Variants in IL10RB observed in about 807,000 individuals in gnomAD.
IL10RB encodes the protein interleukin 10 receptor subunit beta.
Under a neutral mutation model 38.7 loss-of-function variants are expected in IL10RB, and 30 were observed. That is an observed-to-expected ratio of 0.78 (90% confidence interval 0.58 to 1.05). The LOEUF is 1.05. Among genes scored for constraint, IL10RB ranks in the 50% least tolerant of loss-of-function variants. The probability of loss-of-function intolerance (pLI) is 0.00; values close to 1 mark genes in which losing one functional copy is unlikely to be tolerated. For missense variants in IL10RB, 328 were observed against 397.1 expected, an observed-to-expected ratio of 0.83 and a Z score of 1.48; for synonymous variants, 142 against 145.9, an observed-to-expected ratio of 0.97 and a Z score of 0.19.
Position 33,296,590 on chromosome 21 carries a change from G to A in IL10RB, c.*233G>A, listed in dbSNP as rs2123606778. ...TATAAAGGCTTTCATGATGTTTTCAGAAGTTGGCCACTGAGAGTGTAATTT... is the reference window on the plus strand; with the variant it reads ...TATAAAGGCTTTCATGATGTTTTCAAAAGTTGGCCACTGAGAGTGTAATTT... On this transcript the variant is annotated 3_prime_UTR_variant, in exon 7 of 7. Transcript: ENST00000290200. The A allele has an allele frequency of 1.5e-6, 1 of 663,054 alleles. No homozygotes were observed. Among genetic ancestry groups the A allele is most frequent in the South Asian group, 1.5e-5 (1 of 66,368 alleles). The allele number at this position is 663,054 out of a possible 1,614,324, so 41.1% of individuals were successfully genotyped here.
chr21:33,280,362 G>T (rs1792338543), intron 4 of IL10RB, among the ~76,000 whole-genome samples: 1 of 152,190 alleles, frequency 6.6e-6, no homozygotes, highest in African/African-American at 2.4e-5. Flanking sequence ...GGAGTCAAAA[G>T]ATCTGATCGG....
At chr21:33,283,307 G>A in intron 5 of IL10RB, 66 bp downstream of exon 5, 1 of 1,482,482 alleles carries the variant, frequency 6.7e-7, no homozygotes, top group Non-Finnish European at 9.4e-7. Context: ...CCCTAGACAT[G>A]ATTGCATCCA....
chr21:33,304,607 C>T (rs898333965), intron 1 of IL10RB, among the ~76,000 whole-genome samples: 4 of 152,242 alleles, frequency 2.6e-5, no homozygotes, highest in Non-Finnish European at 5.9e-5. Flanking sequence ...CCCTGAAAGG[C>T]CCCCTACCTT....
chr21:33,288,375 G>GCACACACA, intron 6 of IL10RB, 114 bp downstream of exon 6: 1 of 673,262 alleles, frequency 1.5e-6, no homozygotes, highest in East Asian at 2.7e-5. Flanking sequence ...ACACACACGC[G>GCACACACA]CGCGCGCACA....
rs1058859 is a variant in IL10RB at position 33,279,791 on chromosome 21, C to T, written c.371C>T (p.Ala124Val). ...GPPGMQVEVLADSLHMRFLAP... is the reference protein window; with the variant it reads ...GPPGMQVEVLVDSLHMRFLAP... Reference sequence around the variant, plus strand: ...CCTGGAATGCAAGTAGAAGTACTTGCTGATTCTTTACATATGCGTTTCTTA... The same window carrying T: ...CCTGGAATGCAAGTAGAAGTACTTGTTGATTCTTTACATATGCGTTTCTTA... The change falls in exon 4 of 7, where the codon GCT becomes GTT. Residue 124 changes from alanine (A) to valine (V), a missense_variant. Physicochemically the swap from Ala to Val is moderately conservative, Grantham distance 64. Transcript: ENST00000290200. 6.2e-7 allele frequency: 1 copy of T among 1,613,824 alleles called. No homozygotes were observed. Among genetic ancestry groups the T allele is most frequent in the East Asian group, 2.2e-5 (1 of 44,880 alleles).
intron 3 of IL10RB, among the ~76,000 whole-genome samples, chr21:33,278,623 G>C (rs1601830993): frequency 1.3e-5 from 2 of 152,282 alleles, no homozygotes; most frequent in South Asian, 2.1e-4. Flanking sequence ...AAGTCATACA[G>C]GTCATGAGTG....
chr21:33,309,483 A>C (rs1010460374), exon 2 of IL10RB: 2 of 152,210 alleles, frequency 1.3e-5, no homozygotes, highest in African/African-American at 4.8e-5. Flanking sequence ...AGAACCTGCT[A>C]TTGTGGGTTC....
chr21:33,291,098 C>T (rs922333685), intron 6 of IL10RB, among the ~76,000 whole-genome samples: 4 of 152,096 alleles, frequency 2.6e-5, no homozygotes, highest in Admixed American at 1.3e-4. Flanking sequence ...AGCCTTCTCC[C>T]TATGTGAGTG....
At chr21:33,268,627 T>C in intron 2 of IL10RB, 110 bp downstream of exon 2, 2 of 826,206 alleles carry the variant, frequency 2.4e-6, no homozygotes, top group Non-Finnish European at 4.3e-6. Context: ...ACCGTGTGAC[T>C]GTGACAACCC....
At chr21:33,290,973 G>A (rs775639726) in intron 6 of IL10RB, among the ~76,000 whole-genome samples, 46 of 152,196 alleles carry the variant, frequency 3.0e-4, no homozygotes, top group South Asian at 1.7e-3. Context: ...TTTCCTTGGA[G>A]GCTGTGAGGG....
At chr21:33,268,241 C>A in intron 1 of IL10RB, 153 bp from the exon 2 acceptor site, 1 of 1,542,198 alleles carries the variant, frequency 6.5e-7, no homozygotes, top group Non-Finnish European at 8.7e-7. Context: ...AATCTAGACT[C>A]CTCAGCACAG....
At chr21:33,270,538 G>A (rs1255068831) in intron 2 of IL10RB, among the ~76,000 whole-genome samples, 2 of 151,610 alleles carry the variant, frequency 1.3e-5, no homozygotes, top group Non-Finnish European at 1.5e-5. Flanking sequence ...CCGCCACCAC[G>A]CCCGGCTAAT....
downstream of IL10RB, among the ~76,000 whole-genome samples, chr21:33,298,459 C>A (rs938467638): frequency 6.6e-6 from 1 of 151,884 alleles, no homozygotes; most frequent in Non-Finnish European, 1.5e-5. Context: ...ACTAAACATA[C>A]AAAAATTAGC....
intron 5 of IL10RB, 45 bp from the exon 6 acceptor site, chr21:33,288,059 A>T: frequency 6.3e-7 from 1 of 1,593,372 alleles, no homozygotes; most frequent in Non-Finnish European, 8.6e-7. Flanking sequence ...GATCACTGTG[A>T]CCCGACCTGT....
rs368303574 is a variant in IL10RB at position 33,290,556 on chromosome 21, G to A, written c.804+2295G>A. On this transcript the variant is annotated intron_variant, in intron 6 of 6. Transcript: ENST00000290200. The stretch of plus-strand genomic sequence containing the variant: ...CACTGGGCATGATGAGGGTGAACAG[G>A]GCCACTCCTGCCCTGCGCTTGCTTC... Among the ~76,000 whole-genome samples the A allele has an allele frequency of 4.5e-4, 68 of 152,210 alleles. 3 individuals are homozygous for A. In the East Asian group the frequency reaches 0.012, roughly 26 times the overall value.
chr21:33,300,021 C>T (rs1165086519), downstream of IL10RB, among the ~76,000 whole-genome samples: 1 of 152,216 alleles, frequency 6.6e-6, no homozygotes, highest in Non-Finnish European at 1.5e-5. Flanking sequence ...TGCACTTCAG[C>T]CTTCTCGGCT....
rs190597248 is a variant in IL10RB at position 33,306,334 on chromosome 21, G to A, written c.130-2642G>A. Among the ~76,000 whole-genome samples, 254 of 152,292 alleles carry A rather than the reference G, an allele frequency of 1.7e-3. 1 individual carries two copies. The highest frequency in any genetic ancestry group is 5.9e-3 in the African/African-American group (244 of 41,560). On this transcript the variant is annotated intron_variant, in intron 1 of 1. Coordinates refer to the IL10RB transcript ENST00000609556. ...AAAAAGGTTTTTGGAGGTTTATACT[G>A]AAAAGTTTTGTAACAATTATATTCA...
intron 3 of IL10RB, among the ~76,000 whole-genome samples, chr21:33,279,300 A>G (rs1173543379): frequency 6.6e-6 from 1 of 152,234 alleles, no homozygotes; most frequent in Non-Finnish European, 1.5e-5. Context: ...GGAAATATAT[A>G]TGGTTAATTA....
At chr21:33,278,572 C>G (rs1287428202) in intron 3 of IL10RB, among the ~76,000 whole-genome samples, 1 of 152,154 alleles carries the variant, frequency 6.6e-6, no homozygotes, top group Non-Finnish European at 1.5e-5. Context: ...TGGAAGTTCC[C>G]TTTAGAGCCT....
Sources: allele counts gnomAD v4.1 joint callset (sites outside exome capture counted in the v4.1 genomes callset), GRCh38; gene constraint gnomAD v4.1.1; transcripts MANE v1.5; gene names NCBI Gene and HGNC (gene_info 2026-07-23, HGNC 2026-07-21).